PACRGL: variants seen among roughly 807,000 people sequenced by gnomAD.
The protein encoded by PACRGL is parkin coregulated like.
Under a neutral mutation model 34.5 loss-of-function variants are expected in PACRGL, and 38 were observed. That is an observed-to-expected ratio of 1.10 (90% CI 0.85 to 1.44). The LOEUF is 1.44. Among genes scored for constraint, PACRGL ranks in the 40% most tolerant of loss-of-function variants. The probability of loss-of-function intolerance (pLI) is 0.00; values close to 1 mark genes in which losing one functional copy is unlikely to be tolerated. For missense variants in PACRGL, 305 were observed against 281.4 expected, an observed-to-expected ratio of 1.08 and a Z score of -0.60; for synonymous variants, 128 against 100.1, an observed-to-expected ratio of 1.28 and a Z score of -1.66.
intron 1 of PACRGL, among the ~76,000 whole-genome samples, chr4:20,703,430 G>C (rs1733085192): frequency 6.6e-6 from 1 of 151,912 alleles, no homozygotes; most frequent in African/African-American, 2.4e-5. Flanking sequence ...CATGGAAGTT[G>C]GGAATGAAGC....
chr4:20,702,968 G>A lies in PACRGL; in HGVS notation c.-16-1498G>A, dbSNP rs191049928. 2.8e-4 allele frequency among the ~76,000 whole-genome samples: 43 copies of A among 152,266 alleles called. No individual in the cohort carries two copies. In the East Asian group the frequency reaches 6.4e-3, roughly 23 times the overall value. On this transcript the variant is annotated intron_variant, in intron 1 of 8. Transcript: ENST00000503585. ...TGTGCAGAAGCAAGCTTACATTTAG[G>A]TTATCTTTACATGGTATCAGACTTT...
downstream of PACRGL, among the ~76,000 whole-genome samples, chr4:20,755,184 C>A (rs71607034): frequency 0.22 from 32,793 of 152,060 alleles, 3,801 homozygotes; most frequent in East Asian, 0.42. Context: ...TCCAAATTCA[C>A]TTAATAACAG....
At chr4:20,765,061 G>C in the PACRGL span, among the ~76,000 whole-genome samples, 1 of 152,150 alleles carries the variant, frequency 6.6e-6, no homozygotes, top group Admixed American at 6.5e-5. Flanking sequence ...ACATCTTTTT[G>C]CTCATTTATT....
rs1352715222 is a variant in PACRGL at position 20,728,216 on chromosome 4, T to C, written c.*875T>C. ...TAAATTCTATTACAAGTATGTTGTT[T>C]ATTACAACTCATTACAACTACCTAA... On this transcript the variant is annotated 3_prime_UTR_variant, in exon 9 of 9. Transcript: ENST00000503585. The C allele has an allele frequency of 6.6e-6, 1 of 152,268 alleles. No homozygotes were observed. The highest frequency in any genetic ancestry group is 1.5e-5 in the Non-Finnish European group (1 of 68,044). 9.4% of individuals were successfully genotyped at this position (152,268 alleles called of 1,614,324 possible). A position where few individuals can be genotyped will look rare whatever the true frequency, so the allele number is the denominator to read the frequency against.
chr4:20,750,968 CAGG>C (rs1210902219), intron 8 of PACRGL, among the ~76,000 whole-genome samples: 1 of 152,102 alleles, frequency 6.6e-6, no homozygotes, highest in East Asian at 1.9e-4. Context: ...GTCATAGTAA[CAGG>C]AGTACAGAAT....
the PACRGL span, among the ~76,000 whole-genome samples, chr4:20,764,860 A>G: frequency 1.3e-5 from 2 of 152,178 alleles, no homozygotes; most frequent in African/African-American, 4.8e-5. Context: ...CTGTGATGGC[A>G]CTCAGCCGGA....
intron 8 of PACRGL, among the ~76,000 whole-genome samples, chr4:20,747,243 T>C (rs914928187): frequency 3.3e-5 from 5 of 152,174 alleles, no homozygotes; most frequent in African/African-American, 9.7e-5. Flanking sequence ...CCCTAGGAAA[T>C]TGGTGGTATA....
chr4:20,737,444 G>A (rs571088518), downstream of PACRGL, among the ~76,000 whole-genome samples: 149 of 151,406 alleles, frequency 9.8e-4, no homozygotes, highest in Non-Finnish European at 1.9e-3. Context: ...AAGAGTAAGA[G>A]TCAGAAATGG....
chr4:20,704,607 G>A, intron 2 of PACRGL, 53 bp from the exon 3 acceptor site: 1 of 1,613,124 alleles, frequency 6.2e-7, no homozygotes, highest in Non-Finnish European at 8.5e-7. Context: ...ATGGATGCAG[G>A]GTGAACTTTA....
chr4:20,700,365 C>G (rs1731614978), upstream of PACRGL: 1 of 152,208 alleles, frequency 6.6e-6, no homozygotes, highest in Non-Finnish European at 1.5e-5. Flanking sequence ...GGGGCGCCTC[C>G]GCGACCTCTT....
At chr4:20,713,040 A>G (rs1738047364) in intron 6 of PACRGL, 118 bp downstream of exon 6, 1 of 1,074,722 alleles carries the variant, frequency 9.3e-7, no homozygotes, top group African/African-American at 1.6e-5. Context: ...GTAGTCCTTT[A>G]TCTGTGATTC....
chr4:20,732,714 A>T (rs1304921701), downstream of PACRGL: 1 of 1,612,574 alleles, frequency 6.2e-7, no homozygotes, highest in African/African-American at 1.3e-5. Context: ...GTCTGGGAGC[A>T]TCTTCTTTGA....
intron 8 of PACRGL, among the ~76,000 whole-genome samples, chr4:20,742,202 C>T (rs538708312): frequency 2.0e-5 from 3 of 152,274 alleles, no homozygotes; most frequent in African/African-American, 7.2e-5. Flanking sequence ...AAGAGGGAAT[C>T]CTCCCTAACT....
chr4:20,696,498 T>C (rs1231355959), upstream of PACRGL: 1 of 152,054 alleles, frequency 6.6e-6, no homozygotes, highest in East Asian at 1.9e-4. Flanking sequence ...TCAACACAAT[T>C]CCAAGGAGAG....
chr4:20,742,787 G>A (rs143218712), intron 8 of PACRGL, among the ~76,000 whole-genome samples: 6,052 of 152,078 alleles, frequency 0.04, 186 homozygotes, highest in Middle Eastern at 0.065. Flanking sequence ...CCCTGTTTGC[G>A]GATGACATGA....
downstream of PACRGL, among the ~76,000 whole-genome samples, chr4:20,737,339 G>C (rs2149285628): frequency 6.6e-6 from 1 of 152,296 alleles, no homozygotes; most frequent in Non-Finnish European, 1.5e-5. Flanking sequence ...CAACATGGAG[G>C]TCACCAGCAA....
the PACRGL span, among the ~76,000 whole-genome samples, chr4:20,758,213 T>A: frequency 6.6e-6 from 1 of 152,216 alleles, no homozygotes; most frequent in African/African-American, 2.4e-5. Context: ...ATGCATGTAT[T>A]ATCATTACGC....
chr4:20,754,489 A>T (rs1157014930), downstream of PACRGL, among the ~76,000 whole-genome samples: 2 of 152,194 alleles, frequency 1.3e-5, no homozygotes, highest in East Asian at 3.9e-4. Context: ...GCCATCAGAG[A>T]TCACATTCTT....
intron 7 of PACRGL, among the ~76,000 whole-genome samples, chr4:20,722,282 C>T (rs572746224): frequency 2.0e-5 from 3 of 152,340 alleles, no homozygotes; most frequent in South Asian, 2.1e-4. Flanking sequence ...CCGGGTGAGG[C>T]GATGCCTCGC....
Sources: gnomAD v4.1 joint callset for allele counts (sites outside exome capture counted in the v4.1 genomes callset) on GRCh38, gnomAD v4.1.1 for gene constraint, MANE v1.5 for transcripts, NCBI Gene and HGNC (gene_info 2026-07-23, HGNC 2026-07-21) for gene names.